AUTS2: variants seen among roughly 807,000 people sequenced by gnomAD.
AUTS2 encodes the protein activator of transcription and developmental regulator AUTS2, also known as autism susceptibility gene 2 protein.
A neutral mutation model predicts 112.4 loss-of-function variants in AUTS2; 17 were observed. The ratio of observed to expected loss-of-function variants is 0.15; its 90% CI spans 0.10 to 0.23. The LOEUF (loss-of-function observed/expected upper bound fraction) is 0.23. Ranked by LOEUF, AUTS2 falls within the 10% of genes least tolerant of loss-of-function variation. The pLI is 1.00. For synonymous variants in AUTS2, 751 were observed against 702.7 expected (o/e 1.07, Z -1.09); for missense variants, 1,510 against 1,701.6 (o/e 0.89, Z 1.98).
At chr7:70,517,654 T>G (rs1442927677) in intron 5 of AUTS2, among the ~76,000 whole-genome samples, 1 of 150,492 alleles carries the variant, frequency 6.6e-6, no homozygotes, top group Admixed American at 6.6e-5. Flanking sequence ...ATGTATAATT[T>G]GCCCAGAAAC....
At chr7:70,003,307 A>G (rs923155094) in intron 2 of AUTS2, among the ~76,000 whole-genome samples, 1 of 132,186 alleles carries the variant, frequency 7.6e-6, no homozygotes, top group African/African-American at 2.8e-5. Flanking sequence ...AATATATTAT[A>G]TATGAATATA....
At chr7:69,704,483 C>T (rs1172689429) in intron 1 of AUTS2, among the ~76,000 whole-genome samples, 1 of 151,998 alleles carries the variant, frequency 6.6e-6, no homozygotes, top group Non-Finnish European at 1.5e-5. Context: ...TTTCATCGTG[C>T]TAACCAGGAT....
intron 2 of AUTS2, among the ~76,000 whole-genome samples, chr7:70,032,539 AT>A (rs567672828): frequency 1.6e-3 from 237 of 152,286 alleles, no homozygotes; most frequent in African/African-American, 5.1e-3. Context: ...CTTAAAAAAA[AT>A]AAAACAAAAA....
intron 5 of AUTS2, among the ~76,000 whole-genome samples, chr7:70,578,082 G>C (rs894793800): frequency 6.6e-6 from 1 of 152,070 alleles, no homozygotes; most frequent in Non-Finnish European, 1.5e-5. Flanking sequence ...TGCCCGCCTC[G>C]GCCTCTCAAA....
chr7:69,659,477 G>A (rs1301609911), intron 1 of AUTS2, among the ~76,000 whole-genome samples: 3 of 143,322 alleles, frequency 2.1e-5, no homozygotes, highest in Non-Finnish European at 4.5e-5. Context: ...TCAAAACGCC[G>A]CTATACCTAC....
At chr7:70,729,880 A>ATGTC (rs1787268108) in intron 6 of AUTS2, among the ~76,000 whole-genome samples, 1 of 151,732 alleles carries the variant, frequency 6.6e-6, no homozygotes, top group Non-Finnish European at 1.5e-5. Flanking sequence ...GTATGTATGT[A>ATGTC]TGTATGTATG....
intron 2 of AUTS2, among the ~76,000 whole-genome samples, chr7:70,106,336 C>T (rs986520258): frequency 1.3e-5 from 2 of 152,128 alleles, no homozygotes; most frequent in Non-Finnish European, 2.9e-5. Context: ...AGCATTAGTG[C>T]AGTTAGTGCT....
At chr7:70,415,896 G>A (rs1006350684) in intron 4 of AUTS2, among the ~76,000 whole-genome samples, 3 of 152,182 alleles carry the variant, frequency 2.0e-5, no homozygotes, top group South Asian at 2.1e-4. Context: ...ACACAGCGCC[G>A]ACAGCTGAGT....
chr7:69,881,848 C>G (rs978072910), intron 1 of AUTS2, among the ~76,000 whole-genome samples: 1 of 152,104 alleles, frequency 6.6e-6, no homozygotes, highest in Non-Finnish European at 1.5e-5. Flanking sequence ...CGCATTATTT[C>G]TCAGGTTAAA....
intron 2 of AUTS2, among the ~76,000 whole-genome samples, chr7:70,004,303 G>A (rs746119501): frequency 1.6e-5 from 2 of 128,630 alleles, no homozygotes; most frequent in Non-Finnish European, 3.2e-5. Flanking sequence ...TATATTATAT[G>A]TGACTATATA....
At chr7:70,090,488 C>T (rs893718459) in intron 2 of AUTS2, among the ~76,000 whole-genome samples, 31 of 151,424 alleles carry the variant, frequency 2.0e-4, no homozygotes, top group African/African-American at 5.6e-4. Context: ...TTCAGCCTCC[C>T]GACTGGCTGG....
At chr7:70,482,273 C>A (rs767099455) in intron 5 of AUTS2, among the ~76,000 whole-genome samples, 4 of 152,172 alleles carry the variant, frequency 2.6e-5, no homozygotes, top group South Asian at 2.1e-4. Flanking sequence ...CATAGTCCTA[C>A]TCCCCACCTC....
chr7:69,645,876 G>C (rs1299435901), intron 1 of AUTS2, among the ~76,000 whole-genome samples: 1 of 151,912 alleles, frequency 6.6e-6, no homozygotes. Context: ...ACCAACGAGC[G>C]TTAATTGAAA....
intron 4 of AUTS2, among the ~76,000 whole-genome samples, chr7:70,257,650 G>A (rs1786953917): frequency 1.3e-5 from 2 of 150,564 alleles, no homozygotes; most frequent in African/African-American, 4.9e-5. Context: ...TAGAGACGGG[G>A]CCTCACTGTG....
At chr7:69,714,247 A>ATGTGTGTGTGTGTG (rs1438776720) in intron 1 of AUTS2, among the ~76,000 whole-genome samples, 9 of 42,348 alleles carry the variant, frequency 2.1e-4, no homozygotes, top group East Asian at 7.2e-4. Context: ...ATGTGTGTGT[A>ATGTGTGTGTGTGTG]TATGTGTGTG....
At chr7:69,932,446 A>C (rs1388854043) in intron 2 of AUTS2, among the ~76,000 whole-genome samples, 1 of 152,204 alleles carries the variant, frequency 6.6e-6, no homozygotes, top group Non-Finnish European at 1.5e-5. Context: ...AAGGGAGAAA[A>C]TGCAGAAGAG....
chr7:69,605,539 C>T (rs1792673185), intron 1 of AUTS2, among the ~76,000 whole-genome samples: 1 of 152,178 alleles, frequency 6.6e-6, no homozygotes, highest in African/African-American at 2.4e-5. Flanking sequence ...CTTCTGGTTT[C>T]ATATATTGCT....
Position 70,042,954 on chromosome 7 carries a change from C to A in AUTS2, c.523-75178C>A, listed in dbSNP as rs562264982. Among the ~76,000 whole-genome samples, 3 of 151,012 alleles carry A rather than the reference C, an allele frequency of 2.0e-5. No individual in the cohort carries two copies. The East Asian group carries it at 5.9e-4, about 29-fold the overall frequency. Reference sequence around the variant, plus strand: ...CATTCTCACGGCCCAGTCTAATTATCTGACACATTTTGGAATTATTTTATA... The same window carrying A: ...CATTCTCACGGCCCAGTCTAATTATATGACACATTTTGGAATTATTTTATA... On this transcript the variant is annotated intron_variant, in intron 2 of 18. Coordinates refer to ENST00000342771, the MANE Select transcript of AUTS2 (RefSeq NM_015570.4).
chr7:69,911,924 C>T (rs1795375887), intron 2 of AUTS2, among the ~76,000 whole-genome samples: 2 of 152,130 alleles, frequency 1.3e-5, no homozygotes, highest in Admixed American at 6.5e-5. Context: ...CACTGGGGAC[C>T]TGTCCCTTTC....
Sources: allele counts gnomAD v4.1 joint callset (sites outside exome capture counted in the v4.1 genomes callset), GRCh38; gene constraint gnomAD v4.1.1; transcripts MANE v1.5; gene names NCBI Gene and HGNC (gene_info 2026-07-23, HGNC 2026-07-21).